TLE1: variants seen among roughly 807,000 people sequenced by gnomAD.
TLE1 encodes the protein transducin-like enhancer protein 1.
Under a neutral mutation model 89.8 loss-of-function variants are expected in TLE1, and 21 were observed. The observed-to-expected ratio is 0.23, with a 90% CI of 0.17 to 0.34. TLE1 has a LOEUF of 0.34. Among genes scored for constraint, TLE1 ranks in the 10% least tolerant of loss-of-function variants. The pLI, the probability that TLE1 is intolerant of heterozygous loss-of-function variation, is 1.00. For synonymous variants in TLE1, 447 were observed against 407.6 expected, an observed-to-expected ratio of 1.10 and a Z score of -1.16; for missense variants, 795 against 1,031.2, an observed-to-expected ratio of 0.77 and a Z score of 3.14.
intron 14 of TLE1, among the ~76,000 whole-genome samples, chr9:81,599,278 C>G (rs1347316343): frequency 6.6e-6 from 1 of 152,136 alleles, no homozygotes; most frequent in Non-Finnish European, 1.5e-5. Context: ...TAGACCAACT[C>G]CAGCTCAGCC....
chr9:81,617,175 G>C (rs1430435166), intron 9 of TLE1, among the ~76,000 whole-genome samples: 2 of 149,640 alleles, frequency 1.3e-5, no homozygotes, highest in African/African-American at 4.9e-5. Flanking sequence ...CTAGCTGGTG[G>C]ATCGAATAAG....
At chr9:81,595,262 G>A (rs973754141) in intron 14 of TLE1, among the ~76,000 whole-genome samples, 16 of 152,162 alleles carry the variant, frequency 1.1e-4, no homozygotes, top group African/African-American at 3.9e-4. Flanking sequence ...ATAGTTAGTT[G>A]AACAGGAACC....
intron 6 of TLE1, among the ~76,000 whole-genome samples, chr9:81,640,376 C>G (rs1247438247): frequency 2.7e-5 from 4 of 150,776 alleles, no homozygotes; most frequent in African/African-American, 7.3e-5. Context: ...TAAGCTGATT[C>G]CACTAACAAT....
At chr9:81,623,521 G>A (rs545876800) in intron 8 of TLE1, among the ~76,000 whole-genome samples, 1 of 150,922 alleles carries the variant, frequency 6.6e-6, no homozygotes, top group East Asian at 2.0e-4. Context: ...GCTCATGCCT[G>A]TAATCCCAGC....
intron 4 of TLE1, among the ~76,000 whole-genome samples, chr9:81,654,691 G>A (rs939420952): frequency 1.3e-5 from 2 of 152,146 alleles, no homozygotes; most frequent in African/African-American, 4.8e-5. Context: ...TGTCATTATT[G>A]CAAGTTCATT....
At chr9:81,645,245 G>A (rs1828701424) in intron 6 of TLE1, among the ~76,000 whole-genome samples, 1 of 151,010 alleles carries the variant, frequency 6.6e-6, no homozygotes. Flanking sequence ...TGTAATCCCA[G>A]CTACTTGGGA....
chr9:81,689,388 G>A lies in TLE1; in HGVS notation c.-1148C>T, dbSNP rs1177977427. 2 of 152,644 alleles carry A rather than the reference G, an allele frequency of 1.3e-5. No homozygotes were observed. Among genetic ancestry groups the A allele is most frequent in the East Asian group, 3.9e-4 (2 of 5,140 alleles). The allele number at this position is 152,644 out of a possible 1,614,324, so 9.5% of individuals were successfully genotyped here. A position where few individuals can be genotyped will look rare whatever the true frequency, so the allele number is the denominator to read the frequency against. On this transcript the variant is annotated 5_prime_UTR_variant, in exon 1 of 20. Transcript: ENST00000376499. ...CGCGGGACGACGGAGGTCCGGGCTG[G>A]TGGCGCGGGTCCCGCCCGGCCGTGC...
At chr9:81,589,109 C>T (rs1829062448) in intron 16 of TLE1, among the ~76,000 whole-genome samples, 1 of 152,184 alleles carries the variant, frequency 6.6e-6, no homozygotes, top group Admixed American at 6.5e-5. Flanking sequence ...TCCCAGACAT[C>T]CCCACAGAAC....
At chr9:81,686,834 ATAC>A (rs1272439862) in intron 2 of TLE1, among the ~76,000 whole-genome samples, 1 of 152,180 alleles carries the variant, frequency 6.6e-6, no homozygotes, top group Non-Finnish European at 1.5e-5. Context: ...TTTCTTCTTT[ATAC>A]TATTATACCC....
At chr9:81,590,450 C>G (rs1326715296) in intron 16 of TLE1, among the ~76,000 whole-genome samples, 2 of 152,206 alleles carry the variant, frequency 1.3e-5, no homozygotes, top group Non-Finnish European at 2.9e-5. Context: ...AAGTTCTAGC[C>G]AAAGCCCAAA....
chr9:81,612,976 T>C lies in TLE1; in HGVS notation c.1063+401A>G, dbSNP rs979094183. 2.0e-5 allele frequency among the ~76,000 whole-genome samples: 3 copies of C among 152,172 alleles called. No homozygotes were observed. In the South Asian group the frequency reaches 6.2e-4, roughly 32 times the overall value. On this transcript the variant is annotated intron_variant, in intron 12 of 19. Transcript: ENST00000376499. ...AGGAGGCTCAGGCAAGAGAATCGCT[T>C]GAACCCAGGAGGCAGAGGTTGCAGT...
At position 81,618,854 on chromosome 9, in the gene TLE1, C is replaced by G. The variant is rs148585563; in HGVS notation, c.711+1587G>C. On this transcript the variant is annotated intron_variant, in intron 9 of 19. Coordinates refer to ENST00000376499, the MANE Select transcript of TLE1 (RefSeq NM_005077.5). ...TTTAAATCTTAGCTTTGTACCGGAC[C>G]CTTCTGCAAATATAAACCTTCACAG... Among the ~76,000 whole-genome samples the G allele has an allele frequency of 6.2e-3, 947 of 152,196 alleles. 9 individuals are homozygous for G. The highest frequency in any genetic ancestry group is 0.022 in the African/African-American group (912 of 41,514).
rs770036980 is a variant in TLE1, at chr9:81,585,666, C to G, written c.1978-11G>C. ...CCCCAGGGAGAAGATCTACAAGGAG[C>G]AAGACAGGCTCACTCATTATTCCGC... is the stretch of plus-strand genomic sequence containing the variant. On this transcript the variant is annotated splice_polypyrimidine_tract_variant and intron_variant, in intron 17 of 19. Coordinates refer to ENST00000376499, the MANE Select transcript of TLE1 (RefSeq NM_005077.5). 1.2e-6 allele frequency: 2 copies of G among 1,613,562 alleles called. No individual in the cohort carries two copies. Among genetic ancestry groups the G allele is most frequent in the Admixed American group, 1.7e-5 (1 of 59,970 alleles).
intron 11 of TLE1, 28 bp downstream of exon 11, chr9:81,615,954 C>T: frequency 1.2e-6 from 2 of 1,612,016 alleles, no homozygotes; most frequent in Non-Finnish European, 1.7e-6. Flanking sequence ...CACTGCCAAA[C>T]AGGCAAGTGT....
At chr9:81,615,949 C>A in intron 11 of TLE1, 33 bp downstream of exon 11, 1 of 1,611,540 alleles carries the variant, frequency 6.2e-7, no homozygotes, top group Non-Finnish European at 8.5e-7. Context: ...AAATACACTG[C>A]CAAACAGGCA....
intron 15 of TLE1, among the ~76,000 whole-genome samples, chr9:81,592,657 AAGGCTGT>A (rs1829707655): frequency 6.6e-6 from 1 of 152,180 alleles, no homozygotes. Context: ...TATTTATCTA[AAGGCTGT>A]AGGTCAATTA....
chr9:81,657,014 T>C (rs1006673419), intron 4 of TLE1, among the ~76,000 whole-genome samples: 1 of 152,228 alleles, frequency 6.6e-6, no homozygotes, highest in Non-Finnish European at 1.5e-5. Flanking sequence ...TTGAGTTTTG[T>C]TGACCTTCCT....
In TLE1 at chr9:81,634,319, G is replaced by C. The variant is rs774317026; in HGVS notation, c.373-18C>G. On this transcript the variant is annotated intron_variant, in intron 6 of 19. Coordinates refer to ENST00000376499, the MANE Select transcript of TLE1 (RefSeq NM_005077.5). ...TGCTGCTGCTGTTGGTGGTGGTGGTGAGAGAGAAAAAGGAGGAGGAGGAGG... is the reference window on the plus strand; with the variant it reads ...TGCTGCTGCTGTTGGTGGTGGTGGTCAGAGAGAAAAAGGAGGAGGAGGAGG... 6.8e-7 allele frequency: 1 copy of C among 1,474,364 alleles called. No individual in the cohort carries two copies. The allele number at this position is 1,474,364 out of a possible 1,614,324, so 91.3% of individuals were successfully genotyped here.
rs375357643 is a variant in TLE1, at chr9:81,595,775, T to C, written c.1332-2501A>G. ...CGGAGCTTGTGGTGAGCCGAGATTG[T>C]GCCACTGCACTCCAGCCTGGGCGAC... On this transcript the variant is annotated intron_variant, in intron 14 of 19. Coordinates refer to ENST00000376499, the MANE Select transcript of TLE1 (RefSeq NM_005077.5). Among the ~76,000 whole-genome samples, 26 of 144,264 alleles carry C rather than the reference T, an allele frequency of 1.8e-4. No individual in the cohort carries two copies. In the East Asian group the frequency reaches 4.5e-3, roughly 25 times the overall value. The allele number at this position is 144,264 out of a possible 152,430, so 94.6% of individuals were successfully genotyped here. A position where few individuals can be genotyped will look rare whatever the true frequency, so the allele number is the denominator to read the frequency against.
Sources: gnomAD v4.1 joint callset for allele counts (sites outside exome capture counted in the v4.1 genomes callset) on GRCh38, gnomAD v4.1.1 for gene constraint, MANE v1.5 for transcripts, NCBI Gene and HGNC (gene_info 2026-07-23, HGNC 2026-07-21) for gene names.